ERGIC2: variants seen among roughly 807,000 people sequenced by gnomAD.
ERGIC2 encodes ERGIC and golgi 2.
In ERGIC2, 31 loss-of-function variants were observed where a neutral mutation model predicts 52.5. That is an observed-to-expected ratio of 0.59 (90% CI 0.44 to 0.80). The LOEUF (loss-of-function observed/expected upper bound fraction) is 0.80, where lower values mean the gene tolerates loss of function less well. Ranked by LOEUF, ERGIC2 falls within the 30% of genes least tolerant of loss-of-function variation. The probability of loss-of-function intolerance (pLI) is 0.00; values close to 1 mark genes in which losing one functional copy is unlikely to be tolerated. For missense variants in ERGIC2, 395 were observed against 455.2 expected, an observed-to-expected ratio of 0.87 and a Z score of 1.20; for synonymous variants, 129 against 140.6, an observed-to-expected ratio of 0.92 and a Z score of 0.58.
chr12:29,371,627 G>A lies in ERGIC2; in HGVS notation c.7C>T (p.Arg3Ter), dbSNP rs1396706255. The A allele has an allele frequency of 2.5e-6, 4 of 1,611,574 alleles. No homozygotes were observed. Among genetic ancestry groups the A allele is most frequent in the Non-Finnish European group, 3.4e-6 (4 of 1,178,240 alleles). Residue 3 changes from arginine (R) to a stop codon, truncating the protein, a stop_gained, in exon 2 of 14, where the codon CGA (arginine) becomes TGA (stop). Coordinates refer to ENST00000360150, the MANE Select transcript of ERGIC2 (RefSeq NM_016570.3). LOFTEE classifies it high-confidence loss of function. ...CTTAAAGTTTTTTTCCGATTCAGTC[G>A]CCTCATCTTCAGGAAAACCTTCCTC... MR[R>*]LNRKKTLSLV...
chr12:29,353,861 T>C (rs1940167705), intron 8 of ERGIC2, among the ~76,000 whole-genome samples: 1 of 152,110 alleles, frequency 6.6e-6, no homozygotes, highest in Non-Finnish European at 1.5e-5. Context: ...CTGACACTTG[T>C]TAAAACTCTG....
intron 2 of ERGIC2, 127 bp downstream of exon 2, chr12:29,371,401 C>A: frequency 1.7e-6 from 1 of 596,708 alleles, no homozygotes; most frequent in Non-Finnish European, 2.9e-6. Context: ...TGAAGACAGA[C>A]AAGTTACGAA....
In ERGIC2 at chr12:29,340,744, A is replaced by G. The variant is rs1372341132; in HGVS notation, c.*412T>C. ...GTTTTCCACATTTTATTCTGACATCATATCTTTTAAAAACAAAAGGATGCG... is the reference window on the plus strand; with the variant it reads ...GTTTTCCACATTTTATTCTGACATCGTATCTTTTAAAAACAAAAGGATGCG... On this transcript the variant is annotated 3_prime_UTR_variant, in exon 14 of 14. Coordinates refer to ENST00000360150, the MANE Select transcript of ERGIC2 (RefSeq NM_016570.3). The G allele has an allele frequency of 1.0e-5, 4 of 398,966 alleles. No individual in the cohort carries two copies. Among genetic ancestry groups the G allele is most frequent in the East Asian group, 7.8e-5 (1 of 12,818 alleles). The allele number at this position is 398,966 out of a possible 1,614,324, so 24.7% of individuals were successfully genotyped here.
At chr12:29,373,643 A>T (rs1940474106) in intron 1 of ERGIC2, among the ~76,000 whole-genome samples, 1 of 152,224 alleles carries the variant, frequency 6.6e-6, no homozygotes, top group Non-Finnish European at 1.5e-5. Flanking sequence ...TCTACAGTAG[A>T]GTTGAAAGCA....
intron 1 of ERGIC2, among the ~76,000 whole-genome samples, chr12:29,372,302 C>T (rs976931447): frequency 2.6e-5 from 4 of 151,892 alleles, no homozygotes; most frequent in Admixed American, 2.6e-4. Flanking sequence ...AAGATCATGC[C>T]ACTGCACTGC....
At chr12:29,359,502 A>G (rs1216044053) in intron 6 of ERGIC2, among the ~76,000 whole-genome samples, 2 of 152,072 alleles carry the variant, frequency 1.3e-5, no homozygotes, top group African/African-American at 4.8e-5. Flanking sequence ...TGGCAAATTT[A>G]TATCATCTTA....
At chr12:29,353,662 G>C (rs1007418300) in intron 8 of ERGIC2, among the ~76,000 whole-genome samples, 3 of 151,586 alleles carry the variant, frequency 2.0e-5, no homozygotes, top group African/African-American at 7.3e-5. Context: ...TTACTTCAAT[G>C]ATCTCTCTCA....
intron 8 of ERGIC2, among the ~76,000 whole-genome samples, chr12:29,351,862 C>T (rs767781668): frequency 4.6e-5 from 7 of 152,042 alleles, no homozygotes; most frequent in Non-Finnish European, 1.0e-4. Flanking sequence ...TTTTTCTGAT[C>T]ATTGCTTTTT....
chr12:29,366,896 T>A lies in ERGIC2; in HGVS notation c.314A>T (p.Asp105Val), dbSNP rs371280435. ...ACTTACTGGTTCATAAACTAAACCA[T>A]CTGCAGATGCAACCATTGTTTCTGC... ...DLAETMVASA[D>V]GLVYEPTVFD... is the part of the protein sequence containing the mutation. Residue 105 changes from aspartate (D) to valine (V), a missense_variant, in exon 5 of 14, where the codon GAT becomes GTT. Coordinates refer to ENST00000360150, the MANE Select transcript of ERGIC2 (RefSeq NM_016570.3). 1.2e-6 allele frequency: 2 copies of A among 1,603,444 alleles called. No homozygotes were observed. Among genetic ancestry groups the A allele is most frequent in the Non-Finnish European group, 1.7e-6 (2 of 1,173,818 alleles).
intron 3 of ERGIC2, among the ~76,000 whole-genome samples, chr12:29,369,517 C>A (rs1448641017): frequency 6.6e-6 from 1 of 151,902 alleles, no homozygotes; most frequent in African/African-American, 2.4e-5. Context: ...AGTAAATTCC[C>A]TAAAATTATG....
chr12:29,368,120 C>G (rs2136875522), intron 4 of ERGIC2, 121 bp downstream of exon 4: 2 of 667,484 alleles, frequency 3.0e-6, no homozygotes, highest in East Asian at 2.9e-5. Context: ...AATAATACCA[C>G]AGTAAAACTT....
At chr12:29,366,616 A>T (rs891441148) in intron 5 of ERGIC2, among the ~76,000 whole-genome samples, 4 of 151,906 alleles carry the variant, frequency 2.6e-5, no homozygotes, top group African/African-American at 7.2e-5. Flanking sequence ...AATAACAAAA[A>T]TATTAAAAAA....
intron 4 of ERGIC2, among the ~76,000 whole-genome samples, chr12:29,367,850 G>A (rs543036830): frequency 6.6e-6 from 1 of 151,922 alleles, no homozygotes; most frequent in Non-Finnish European, 1.5e-5. Flanking sequence ...AACTGGATCT[G>A]TATTTTTAAA....
chr12:29,373,014 G>A (rs1341780592), intron 1 of ERGIC2: 1 of 151,634 alleles, frequency 6.6e-6, no homozygotes, highest in Non-Finnish European at 1.5e-5. Context: ...AAATAGTCAT[G>A]ATACTGATAC....
At chr12:29,361,937 T>C (rs926388164) in intron 5 of ERGIC2, among the ~76,000 whole-genome samples, 8 of 152,180 alleles carry the variant, frequency 5.3e-5, no homozygotes, top group South Asian at 4.1e-4. Context: ...CAGGAATATA[T>C]GCAAGTTGAC....
intron 1 of ERGIC2, chr12:29,372,434 G>A (rs185789316): frequency 6.6e-6 from 1 of 151,704 alleles, no homozygotes; most frequent in East Asian, 2.0e-4. Context: ...GGAGAAGGGA[G>A]AAGAAGAAAA....
rs1407505503 is a variant in ERGIC2 at position 29,338,640 on chromosome 12, T to C, written c.*2516A>G. The C allele has an allele frequency of 3.3e-5, 5 of 150,650 alleles. No individual in the cohort carries two copies. Among genetic ancestry groups the C allele is most frequent in the Admixed American group, 3.3e-4 (5 of 15,066 alleles). The allele number at this position is 150,650 out of a possible 1,614,324, so 9.3% of individuals were successfully genotyped here. A position where few individuals can be genotyped will look rare whatever the true frequency, so the allele number is the denominator to read the frequency against. On this transcript the variant is annotated 3_prime_UTR_variant, in exon 14 of 14. Transcript: ENST00000360150. ...GCCTGGGCAACAGTGCGAGACCCCA[T>C]CTCTTAAAAAAAAAAAGAGAAAGGG...
chr12:29,346,665 G>T (rs1299742194), intron 10 of ERGIC2, among the ~76,000 whole-genome samples: 1 of 152,080 alleles, frequency 6.6e-6, no homozygotes, highest in Non-Finnish European at 1.5e-5. Context: ...GAAAACTAAA[G>T]AAACTACTCA....
intron 11 of ERGIC2, among the ~76,000 whole-genome samples, chr12:29,344,110 A>G (rs1191883819): frequency 2.0e-5 from 3 of 152,130 alleles, no homozygotes; most frequent in Admixed American, 6.5e-5. Context: ...AGTATATAGA[A>G]ATCCTTCTCA....
Sources: allele counts gnomAD v4.1 joint callset (sites outside exome capture counted in the v4.1 genomes callset), GRCh38; gene constraint gnomAD v4.1.1; transcripts MANE v1.5; gene names NCBI Gene and HGNC (gene_info 2026-07-23, HGNC 2026-07-21).